Variants in DSE observed in about 807,000 individuals in gnomAD.
The protein encoded by DSE is dermatan-sulfate epimerase.
A neutral mutation model predicts 84.4 loss-of-function variants in DSE; 36 were observed. The ratio of observed to expected loss-of-function variants is 0.43; its 90% CI spans 0.33 to 0.56. The LOEUF (loss-of-function observed/expected upper bound fraction) is 0.56, where lower values mean the gene tolerates loss of function less well. Ranked by LOEUF, DSE falls within the 20% of genes least tolerant of loss-of-function variation. DSE has a pLI of 0.06. For synonymous variants in DSE, 410 were observed against 430.1 expected (o/e 0.95, Z 0.58); for missense variants, 862 against 1,169.6 (o/e 0.74, Z 3.84).
rs367959320 is a variant in DSE, at chr6:116,436,897, G to A, written c.2429G>A (p.Arg810Gln). Residue 810 changes from arginine to glutamine, a missense_variant, in exon 6 of 6, where the codon CGA becomes CAA. This residue lies in a region of DSE where 315 missense variants were observed against 348.1 expected (regional missense o/e 0.90). Transcript: ENST00000644252. ...CAGCAAAGCAAGTCAAAGAAAAACC[G>A]AAGGGCAGGCAAACGCTATAAATTT... ...QQQQSKSKKN[R>Q]RAGKRYKFVD... 2.6e-5 allele frequency: 42 copies of A among 1,613,976 alleles called. No homozygotes were observed. The highest frequency in any genetic ancestry group is 5.3e-5 in the African/African-American group (4 of 74,900).
chr6:116,407,971 C>T (rs1403421021), intron 2 of DSE, among the ~76,000 whole-genome samples: 1 of 152,154 alleles, frequency 6.6e-6, no homozygotes, highest in Non-Finnish European at 1.5e-5. Flanking sequence ...GCAGATCAGC[C>T]CTGAGCTGGC....
At position 116,403,739 on chromosome 6, in the gene DSE, T is replaced by C. The variant is rs77778352; in HGVS notation, c.416+4073T>C. On this transcript the variant is annotated intron_variant, in intron 2 of 5. Transcript: ENST00000644252. ...TTACAGTGACTATGGGATCAGTTACTCTGTAGAACTGACTACTCTCTTGGC... is the reference window on the plus strand; with the variant it reads ...TTACAGTGACTATGGGATCAGTTACCCTGTAGAACTGACTACTCTCTTGGC... 9.2e-3 allele frequency among the ~76,000 whole-genome samples: 1,404 copies of C among 152,294 alleles called. 23 individuals carry two copies. The highest frequency in any genetic ancestry group is 0.066 in the South Asian group (320 of 4,826).
upstream of DSE, chr6:116,367,183 T>A (rs1779212835): frequency 6.6e-6 from 1 of 152,006 alleles, no homozygotes; most frequent in Non-Finnish European, 1.5e-5. Flanking sequence ...TGCTCAGAAA[T>A]GGAAGGGAAA....
At chr6:116,361,658 G>C (rs1778897499) in intron 2 of DSE, among the ~76,000 whole-genome samples, 1 of 152,036 alleles carries the variant, frequency 6.6e-6, no homozygotes, top group Non-Finnish European at 1.5e-5. Flanking sequence ...CCCATCTCTG[G>C]AAAGAAAAAT....
intron 2 of DSE, among the ~76,000 whole-genome samples, chr6:116,315,329 G>GATATATATAT (rs67864536): frequency 1.1e-4 from 16 of 147,686 alleles, no homozygotes; most frequent in Middle Eastern, 3.4e-3. Flanking sequence ...CACCTTCTGA[G>GATATATATAT]ATATATATAT....
chr6:116,327,129 G>C (rs1023974823), intron 2 of DSE, among the ~76,000 whole-genome samples: 1 of 152,142 alleles, frequency 6.6e-6, no homozygotes, highest in African/African-American at 2.4e-5. Flanking sequence ...AGTAAAGAGA[G>C]AAAAAACAGG....
Position 116,263,266 on chromosome 6 carries a change from A to G in DSE, c.-54+4299A>G, listed in dbSNP as rs149435700. Reference sequence around the variant, plus strand: ...CTACGTCTCTTTGAAGGGATCTAAGAACTTGCTTTATGAATCTGGGTGCTC... The same window carrying G: ...CTACGTCTCTTTGAAGGGATCTAAGGACTTGCTTTATGAATCTGGGTGCTC... On this transcript the variant is annotated intron_variant, in intron 2 of 3. Transcript: ENST00000430252. Among the ~76,000 whole-genome samples the G allele has an allele frequency of 3.0e-3, 450 of 152,182 alleles. 2 individuals carry two copies. Among genetic ancestry groups the G allele is most frequent in the Non-Finnish European group, 5.2e-3 (352 of 67,972 alleles).
At chr6:116,370,789 G>C (rs1192625303), upstream of DSE, 1 of 972,242 alleles carries the variant, frequency 1.0e-6, no homozygotes, top group East Asian at 1.1e-4. Context: ...GGGTTCGGCC[G>C]GGGGAGGGGG....
intron 2 of DSE, among the ~76,000 whole-genome samples, chr6:116,416,694 A>T (rs1782736432): frequency 2.0e-5 from 3 of 152,150 alleles, no homozygotes; most frequent in Admixed American, 2.0e-4. Flanking sequence ...GCCACTGTCC[A>T]TCATCCTGGC....
chr6:116,412,238 G>A (rs1055551326), intron 2 of DSE, among the ~76,000 whole-genome samples: 9 of 151,746 alleles, frequency 5.9e-5, no homozygotes, highest in African/African-American at 2.2e-4. Context: ...AATTGTTTTG[G>A]AGGTCAAGGG....
At chr6:116,387,078 C>T (rs532709564) in intron 1 of DSE, among the ~76,000 whole-genome samples, 4 of 152,132 alleles carry the variant, frequency 2.6e-5, no homozygotes, top group Non-Finnish European at 4.4e-5. Context: ...TTTTGTGGGG[C>T]GCTTCCCCTG....
intron 2 of DSE, among the ~76,000 whole-genome samples, chr6:116,345,867 G>A (rs1380739047): frequency 6.6e-6 from 1 of 152,044 alleles, no homozygotes; most frequent in Non-Finnish European, 1.5e-5. Context: ...TTGATAGACT[G>A]CTAGCAAGAC....
At chr6:116,426,887 G>A in intron 3 of DSE, 60 bp downstream of exon 3, 1 of 1,549,708 alleles carries the variant, frequency 6.5e-7, no homozygotes, top group African/African-American at 1.4e-5. Flanking sequence ...TTGCCATGTT[G>A]TGAGCAAAGC....
At chr6:116,283,217 G>C (rs535097011) in intron 2 of DSE, among the ~76,000 whole-genome samples, 2 of 152,194 alleles carry the variant, frequency 1.3e-5, no homozygotes, top group African/African-American at 4.8e-5. Context: ...GTAACACTGA[G>C]AGGCTAACTA....
chr6:116,410,986 A>C (rs529761611), intron 2 of DSE, among the ~76,000 whole-genome samples: 64 of 152,280 alleles, frequency 4.2e-4, no homozygotes, highest in African/African-American at 1.5e-3. Flanking sequence ...GTGGGCTTCT[A>C]ATACTTGGAG....
upstream of DSE, among the ~76,000 whole-genome samples, chr6:116,365,745 T>C (rs1484134722): frequency 6.6e-6 from 1 of 152,202 alleles, no homozygotes; most frequent in Non-Finnish European, 1.5e-5. Context: ...CATTGGTGTG[T>C]TTTGGGTTCT....
intron 1 of DSE, among the ~76,000 whole-genome samples, chr6:116,391,269 GT>G (rs1025216142): frequency 1.3e-5 from 2 of 151,400 alleles, no homozygotes; most frequent in African/African-American, 4.9e-5. Flanking sequence ...CTGACCTAAA[GT>G]TTTTTTTTAA....
chr6:116,347,788 A>G (rs1778077444), intron 2 of DSE, among the ~76,000 whole-genome samples: 1 of 152,374 alleles, frequency 6.6e-6, no homozygotes, highest in East Asian at 1.9e-4. Context: ...GCCAAAATTG[A>G]CAAATGGAAT....
chr6:116,357,258 C>G (rs1332953001), intron 2 of DSE, among the ~76,000 whole-genome samples: 2 of 152,180 alleles, frequency 1.3e-5, no homozygotes, highest in Non-Finnish European at 2.9e-5. Flanking sequence ...ATCAGCCGGG[C>G]ACGGTGGCTC....
Sources: allele counts gnomAD v4.1 joint callset (sites outside exome capture counted in the v4.1 genomes callset), GRCh38; gene constraint gnomAD v4.1.1; regional missense constraint gnomAD v4.1.1; transcripts MANE v1.5; gene names NCBI Gene and HGNC (gene_info 2026-07-23, HGNC 2026-07-21).